Variants in PCDHGA5 observed in about 807,000 individuals in gnomAD.
PCDHGA5 encodes protocadherin gamma-A5.
PCDHGA5 carries 36 observed loss-of-function variants against 56.7 expected under a neutral mutation model. The ratio of observed to expected loss-of-function variants is 0.64; its 90% CI spans 0.49 to 0.84. The LOEUF is 0.84. Among genes scored for constraint, PCDHGA5 ranks in the 40% least tolerant of loss-of-function variants. The probability of loss-of-function intolerance (pLI) is 0.00; values close to 1 mark genes in which losing one functional copy is unlikely to be tolerated. For missense variants in PCDHGA5, 1,305 were observed against 1,201.5 expected, an observed-to-expected ratio of 1.09 and a Z score of -1.27; for synonymous variants, 563 against 520.2, an observed-to-expected ratio of 1.08 and a Z score of -1.12.
At chr5:141,395,034 G>A (rs772873954) in intron 1 of PCDHGA5, 21 of 1,614,032 alleles carry the variant, frequency 1.3e-5, no homozygotes, top group African/African-American at 5.3e-5. Context: ...CTCACATTTT[G>A]TGGGTGTTGA....
Position 141,364,355 on chromosome 5 carries a change from G to T in PCDHGA5, c.25G>T (p.Gly9Cys). The change falls in exon 1 of 4, where the codon GGC (glycine) becomes TGC (cysteine). Residue 9 changes from glycine to cysteine, a missense_variant. Physicochemically the swap from Gly to Cys is radical, Grantham distance 159. Coordinates refer to ENST00000518069, the MANE Select transcript of PCDHGA5 (RefSeq NM_018918.3). ...AATGGCGAGTCCACCTAGGGGCTGG[G>T]GCTGCGGAGAGCTGCTGCTGCCCTT... MASPPRGW[G>C]CGELLLPFML... 6.4e-7 allele frequency: 1 copy of T among 1,555,424 alleles called. No individual in the cohort carries two copies. Among genetic ancestry groups the T allele is most frequent in the Non-Finnish European group, 8.7e-7 (1 of 1,153,224 alleles).
At chr5:141,430,551 C>T (rs2097292247) in intron 1 of PCDHGA5, 2 of 406,412 alleles carry the variant, frequency 4.9e-6, no homozygotes, top group Admixed American at 4.1e-5. Context: ...CCGCTGTTCA[C>T]CAATCGGGGA....
At chr5:141,492,659 T>C (rs2099742881) in intron 1 of PCDHGA5, among the ~76,000 whole-genome samples, 1 of 152,182 alleles carries the variant, frequency 6.6e-6, no homozygotes, top group Non-Finnish European at 1.5e-5. Context: ...GTCCGGATGG[T>C]CCCGGGACTC....
intron 3 of PCDHGA5, among the ~76,000 whole-genome samples, chr5:141,509,320 C>A (rs1261653347): frequency 6.6e-6 from 1 of 152,194 alleles, no homozygotes; most frequent in Non-Finnish European, 1.5e-5. Flanking sequence ...GGGAGAGAAG[C>A]TCTACTGCCA....
chr5:141,419,886 G>A lies in PCDHGA5; in HGVS notation c.2421+53135G>A, dbSNP rs1195529127. ...TTGCAAGAGGTACTGCCGGATTTCA[G>A]CGACCATCCCACACCCTCTGACTCC... On this transcript the variant is annotated intron_variant, in intron 1 of 3. Transcript: ENST00000518069. 1.9e-6 allele frequency: 3 copies of A among 1,614,076 alleles called. No individual in the cohort carries two copies. In the East Asian group the frequency reaches 6.7e-5, roughly 36 times the overall value.
At position 141,490,954 on chromosome 5, in the gene PCDHGA5, G is replaced by A. The variant is rs749646808; in HGVS notation, c.2422-3853G>A. On this transcript the variant is annotated intron_variant, in intron 1 of 3. Coordinates refer to ENST00000518069, the MANE Select transcript of PCDHGA5 (RefSeq NM_018918.3). This position sits in a 1 kb window ranked among gnomAD's most constrained non-coding sequence, Gnocchi z 5.4. ...TGTGCTGCACCCACGGCCAGACTGGGAACACTCAGCCCCCCAGCGTCTCCC... is the reference window on the plus strand; with the variant it reads ...TGTGCTGCACCCACGGCCAGACTGGAAACACTCAGCCCCCCAGCGTCTCCC... 9 of 1,613,662 alleles carry A rather than the reference G, an allele frequency of 5.6e-6. No individual in the cohort carries two copies. The African/African-American group carries it at 8.0e-5, about 14-fold the overall frequency.
chr5:141,392,882 G>A (rs1394691115), intron 1 of PCDHGA5: 2 of 1,613,502 alleles, frequency 1.2e-6, no homozygotes, highest in Non-Finnish European at 1.7e-6. Flanking sequence ...TGGGAACGCT[G>A]TGGGAAATCG....
At chr5:141,375,304 T>C (rs1436249937) in intron 1 of PCDHGA5, 4 of 1,613,762 alleles carry the variant, frequency 2.5e-6, no homozygotes, top group Non-Finnish European at 3.4e-6. Flanking sequence ...TAGTGACAAA[T>C]GCAGCTCTAG....
At chr5:141,417,706 A>T in intron 1 of PCDHGA5, 1 of 1,214,910 alleles carries the variant, frequency 8.2e-7, no homozygotes, top group Non-Finnish European at 1.1e-6. Flanking sequence ...TCCCACACAG[A>T]GGCTCCCGGC....
At chr5:141,404,859 A>G in intron 1 of PCDHGA5, 1 of 1,613,494 alleles carries the variant, frequency 6.2e-7, no homozygotes, top group South Asian at 1.1e-5. Flanking sequence ...CTAGATAGAG[A>G]TGCGCTCAAA....
At chr5:141,375,144 G>A (rs747224962) in intron 1 of PCDHGA5, 3 of 1,613,936 alleles carry the variant, frequency 1.9e-6, no homozygotes, top group Non-Finnish European at 2.5e-6. Flanking sequence ...TCTGGAAGCA[G>A]AACAATTGCT....
intron 1 of PCDHGA5, among the ~76,000 whole-genome samples, chr5:141,473,404 T>A (rs953797915): frequency 6.6e-6 from 1 of 152,226 alleles, no homozygotes; most frequent in Non-Finnish European, 1.5e-5. Flanking sequence ...TCTTTTTTTC[T>A]TCTTCAGTGG....
intron 1 of PCDHGA5, among the ~76,000 whole-genome samples, chr5:141,462,211 C>T (rs543979258): frequency 2.0e-5 from 3 of 151,998 alleles, no homozygotes; most frequent in South Asian, 2.1e-4. Context: ...CCGCCTGCCT[C>T]GGCCTCCCAA....
rs200016406 is a variant in PCDHGA5 at position 141,383,092 on chromosome 5, C to T, written c.2421+16341C>T. The T allele has an allele frequency of 3.1e-4, 507 of 1,613,932 alleles. 2 individuals are homozygous for T. Among genetic ancestry groups the T allele is most frequent in the Middle Eastern group, 1.7e-3 (10 of 6,060 alleles). The stretch of plus-strand genomic sequence containing the variant: ...CCGGGAGCTGGCGGAGCGCGGAGTC[C>T]GCATCATCTCCAGAGGTAGGACGCA... On this transcript the variant is annotated intron_variant, in intron 1 of 3. Coordinates refer to ENST00000518069, the MANE Select transcript of PCDHGA5 (RefSeq NM_018918.3).
At chr5:141,448,999 G>GT (rs910018882) in intron 1 of PCDHGA5, among the ~76,000 whole-genome samples, 19 of 151,698 alleles carry the variant, frequency 1.3e-4, no homozygotes, top group South Asian at 2.1e-4. Flanking sequence ...ATAGAAAGCT[G>GT]TTTTTTTTAA....
chr5:141,375,038 G>A (rs1771073387), intron 1 of PCDHGA5: 1 of 1,614,038 alleles, frequency 6.2e-7, no homozygotes, highest in Non-Finnish European at 8.5e-7. Context: ...TGAGCTGGGT[G>A]TTGAAGCCCG....
At chr5:141,375,602 A>G (rs1237264318) in intron 1 of PCDHGA5, 5 of 1,614,120 alleles carry the variant, frequency 3.1e-6, no homozygotes, top group African/African-American at 1.3e-5. Flanking sequence ...CTACGTGTCC[A>G]TCAACTCCGA....
intron 1 of PCDHGA5, among the ~76,000 whole-genome samples, chr5:141,469,684 T>C (rs1471928749): frequency 6.6e-6 from 1 of 152,256 alleles, no homozygotes; most frequent in Non-Finnish European, 1.5e-5. Flanking sequence ...ACATATGCAT[T>C]GGTCCTATGA....
chr5:141,483,007 C>G (rs938404755), intron 1 of PCDHGA5, among the ~76,000 whole-genome samples: 1 of 152,140 alleles, frequency 6.6e-6, no homozygotes, highest in South Asian at 2.1e-4. Flanking sequence ...ATTGCTTGAA[C>G]CCGGGAGGCA....
Sources: allele counts gnomAD v4.1 joint callset (sites outside exome capture counted in the v4.1 genomes callset), GRCh38; gene constraint gnomAD v4.1.1; non-coding constraint Gnocchi (gnomAD v3.1); transcripts MANE v1.5; gene names NCBI Gene and HGNC (gene_info 2026-07-23, HGNC 2026-07-21).